The following TNRC18 variants were observed in gnomAD, a reference collection of about 807,000 sequenced individuals.
TNRC18 encodes trinucleotide repeat-containing gene 18 protein.
In TNRC18, 69 loss-of-function variants were observed where a neutral mutation model predicts 226.7. That is an observed-to-expected ratio of 0.30 (90% CI 0.25 to 0.37). The LOEUF (loss-of-function observed/expected upper bound fraction) is 0.37, where lower values mean the gene tolerates loss of function less well. Among genes scored for constraint, TNRC18 ranks in the 10% least tolerant of loss-of-function variants. TNRC18 has a pLI of 1.00. For missense variants in TNRC18, 4,754 were observed against 4,256.6 expected (o/e 1.12, Z -3.25); for synonymous variants, 2,449 against 1,927.6 (o/e 1.27, Z -7.09).
intron 29 of TNRC18, 34 bp from the exon 30 acceptor site, chr7:5,308,346 G>T (rs762667897): frequency 5.2e-6 from 8 of 1,546,536 alleles, no homozygotes; most frequent in Middle Eastern, 3.5e-4. Context: ...GATGGCAGGT[G>T]GGGGGCACAG....
At chr7:5,397,889 C>G (rs1350261694) in intron 2 of TNRC18, among the ~76,000 whole-genome samples, 1 of 152,150 alleles carries the variant, frequency 6.6e-6, no homozygotes, top group African/African-American at 2.4e-5. Flanking sequence ...TCCTTGAGGG[C>G]GGGGACTATC....
At chr7:5,395,012 A>G (rs1480404727) in intron 2 of TNRC18, among the ~76,000 whole-genome samples, 1 of 152,152 alleles carries the variant, frequency 6.6e-6, no homozygotes, top group East Asian at 1.9e-4. Context: ...TGGGGGACTT[A>G]CAGGCGGGGG....
intron 11 of TNRC18, among the ~76,000 whole-genome samples, chr7:5,364,388 G>A (rs887114886): frequency 4.6e-5 from 7 of 151,504 alleles, no homozygotes; most frequent in African/African-American, 1.5e-4. Context: ...AACCCAGGAA[G>A]TTGAGACTGC....
intron 19 of TNRC18, among the ~76,000 whole-genome samples, chr7:5,330,402 G>GTT (rs1487179709): frequency 6.9e-6 from 1 of 144,646 alleles, no homozygotes. Context: ...CCAGCTAATT[G>GTT]TTTTTTTGTT....
At position 5,309,422 on chromosome 7, in the gene TNRC18, G is replaced by A. The variant is rs1452038156; in HGVS notation, c.8389-54C>T. The A allele has an allele frequency of 2.2e-5, 33 of 1,505,140 alleles. No individual in the cohort carries two copies. The highest frequency in any genetic ancestry group is 9.7e-5 in the African/African-American group (7 of 72,492). 93.2% of individuals were successfully genotyped at this position (1,505,140 alleles called of 1,614,324 possible). A position where few individuals can be genotyped will look rare whatever the true frequency, so the allele number is the denominator to read the frequency against. ...GCCCTGGCCCAGCCCCAAGGAGCCC[G>A]CCGCCTGGCAGGCTCTGCCGCTTGG... On this transcript the variant is annotated intron_variant, in intron 27 of 29. Coordinates refer to ENST00000430969, the MANE Select transcript of TNRC18 (RefSeq NM_001080495.3). The surrounding 1 kb of genome is among the most constrained non-coding windows in gnomAD (Gnocchi z 5.7).
At chr7:5,328,172 T>G (rs1789130652) in intron 19 of TNRC18, among the ~76,000 whole-genome samples, 2 of 151,802 alleles carry the variant, frequency 1.3e-5, no homozygotes. Flanking sequence ...GAGCTGAGGT[T>G]GCACCACTGT....
At chr7:5,422,079 A>G (rs1004863461) in intron 1 of TNRC18, among the ~76,000 whole-genome samples, 32 of 152,014 alleles carry the variant, frequency 2.1e-4, no homozygotes, top group Non-Finnish European at 3.8e-4. Context: ...TATTATTTTT[A>G]AAGAGGCTCG....
At position 5,313,788 on chromosome 7, in the gene TNRC18, C is replaced by G. The variant is rs1335171101; in HGVS notation, c.7103G>C (p.Ser2368Thr). ...GGGGCTCTTCTTGGAACCTGGGGTGCTGCTCGGCTCCAGGGCTAAGGGGGT... is the reference window on the plus strand; with the variant it reads ...GGGGCTCTTCTTGGAACCTGGGGTGGTGCTCGGCTCCAGGGCTAAGGGGGT... ...PSTPLALEPSSTPGSKKSPPE... is the reference protein window; with the variant it reads ...PSTPLALEPSTTPGSKKSPPE... The change falls in exon 27 of 30, where the codon AGC becomes ACC. Residue 2368 changes from serine (S) to threonine (T), a missense_variant. Transcript: ENST00000430969. 37 of 1,535,780 alleles carry G rather than the reference C, an allele frequency of 2.4e-5. No homozygotes were observed. Among genetic ancestry groups the G allele is most frequent in the Non-Finnish European group, 3.2e-5 (36 of 1,142,136 alleles).
chr7:5,320,858 G>A (rs977106279), intron 22 of TNRC18, among the ~76,000 whole-genome samples: 12 of 152,244 alleles, frequency 7.9e-5, no homozygotes, highest in Non-Finnish European at 1.2e-4. Flanking sequence ...TTCCCGCTGC[G>A]GAGCAGCCGC....
intron 8 of TNRC18, 133 bp downstream of exon 8, chr7:5,376,714 T>C: frequency 9.1e-7 from 1 of 1,094,682 alleles, no homozygotes; most frequent in Non-Finnish European, 1.3e-6. Context: ...ATGTTCTCTC[T>C]GAACCCCGGT....
chr7:5,362,828 G>T lies in TNRC18; in HGVS notation c.4220-3C>A. ...CGCCACCAGGGCCCGCTCCGCACCTGTGGACAGGAGGTAGGTAACAGGGCG... is the reference window on the plus strand; with the variant it reads ...CGCCACCAGGGCCCGCTCCGCACCTTTGGACAGGAGGTAGGTAACAGGGCG... On this transcript the variant is annotated splice_region_variant and splice_polypyrimidine_tract_variant and intron_variant, in intron 11 of 29. Transcript: ENST00000430969. The T allele has an allele frequency of 6.6e-7, 1 of 1,522,456 alleles. No individual in the cohort carries two copies. The highest frequency in any genetic ancestry group is 1.4e-5 in the African/African-American group (1 of 72,436). The allele number at this position is 1,522,456 out of a possible 1,614,324, so 94.3% of individuals were successfully genotyped here.
chr7:5,325,328 A>AC (rs1788788984), intron 19 of TNRC18, 80 bp from the exon 20 acceptor site: 11 of 1,480,452 alleles, frequency 7.4e-6, no homozygotes, highest in Non-Finnish European at 9.9e-6. Context: ...TCACTCACTC[A>AC]CCCCCAAGTT....
intron 5 of TNRC18, among the ~76,000 whole-genome samples, chr7:5,380,817 C>G (rs977396306): frequency 6.6e-6 from 1 of 152,142 alleles, no homozygotes; most frequent in Non-Finnish European, 1.5e-5. Context: ...GCTGAGAAAT[C>G]GAGTCATGAG....
rs1400345954 is a variant in TNRC18 at position 5,388,440 on chromosome 7, C to T, written c.1384G>A (p.Ala462Thr). 2.0e-6 allele frequency: 3 copies of T among 1,465,828 alleles called. No homozygotes were observed. Among genetic ancestry groups the T allele is most frequent in the Non-Finnish European group, 2.7e-6 (3 of 1,120,880 alleles). The allele number at this position is 1,465,828 out of a possible 1,614,324, so 90.8% of individuals were successfully genotyped here. A position where few individuals can be genotyped will look rare whatever the true frequency, so the allele number is the denominator to read the frequency against. ...ASPDPRAYVP[A>T]KELLKPEADP... The stretch of plus-strand genomic sequence containing the variant: ...GCCTCGGGCTTGAGCAGCTCCTTGG[C>T]AGGCACGTAGGCGCGGGGGTCCGGG... The change falls in exon 5 of 30, where the codon GCC becomes ACC. Residue 462 changes from alanine to threonine, a missense_variant. Coordinates refer to ENST00000430969, the MANE Select transcript of TNRC18 (RefSeq NM_001080495.3).
Position 5,351,955 on chromosome 7 carries a change from G to A in TNRC18, c.5334C>T (p.Thr1778=). 1 of 1,613,908 alleles carries A rather than the reference G, an allele frequency of 6.2e-7. No individual in the cohort carries two copies. Among genetic ancestry groups the A allele is most frequent in the Non-Finnish European group, 8.5e-7 (1 of 1,179,874 alleles). The change falls in exon 17 of 30, where the codon ACC becomes ACT. Residue 1778 remains threonine (T), a synonymous_variant. Coordinates refer to ENST00000430969, the MANE Select transcript of TNRC18 (RefSeq NM_001080495.3). ...TCCGGGGGGCCGCCAGGCCCCTCTT[G>A]GTCAGCTTGGGGCCACCAGCTGCCT... ...NSKAAGGPKL[T]KRGLAAPRTL...
chr7:5,315,425 T>TGA (rs1562482926), intron 25 of TNRC18, among the ~76,000 whole-genome samples: 1 of 149,502 alleles, frequency 6.7e-6, no homozygotes, highest in Non-Finnish European at 1.5e-5. Context: ...GGTTTTTTTT[T>TGA]TTTTTTTTTT....
At chr7:5,339,606 C>A (rs1790484010) in intron 18 of TNRC18, among the ~76,000 whole-genome samples, 1 of 148,900 alleles carries the variant, frequency 6.7e-6, no homozygotes, top group Non-Finnish European at 1.5e-5. Context: ...CTCTTGTCAC[C>A]CAGGATGGAG....
At chr7:5,413,232 G>A (rs1029341749) in intron 2 of TNRC18, among the ~76,000 whole-genome samples, 1 of 152,172 alleles carries the variant, frequency 6.6e-6, no homozygotes, top group Admixed American at 6.5e-5. Flanking sequence ...ACCACAGACT[G>A]GTTCATGCCG....
chr7:5,411,706 G>C (rs1781855920), intron 2 of TNRC18, among the ~76,000 whole-genome samples: 1 of 152,036 alleles, frequency 6.6e-6, no homozygotes, highest in Non-Finnish European at 1.5e-5. Context: ...GAAACGGGAA[G>C]GCAAGGGAAT....
Sources: gnomAD v4.1 joint callset for allele counts (sites outside exome capture counted in the v4.1 genomes callset) on GRCh38, gnomAD v4.1.1 for gene constraint, Gnocchi (gnomAD v3.1) non-coding constraint, MANE v1.5 for transcripts, NCBI Gene and HGNC (gene_info 2026-07-23, HGNC 2026-07-21) for gene names.